Variants in CABLES2 observed in about 807,000 individuals in gnomAD.
The protein encoded by CABLES2 is Cdk5 and Abl enzyme substrate 2.
In CABLES2, 35 loss-of-function variants were observed where a neutral mutation model predicts 44.8. That is an observed-to-expected ratio of 0.78 (90% confidence interval 0.60 to 1.04). The LOEUF is 1.04. Among genes scored for constraint, CABLES2 ranks in the 50% least tolerant of loss-of-function variants. The probability of loss-of-function intolerance (pLI) is 0.00; values close to 1 mark genes in which losing one functional copy is unlikely to be tolerated. For missense variants in CABLES2, 566 were observed against 615.7 expected, an observed-to-expected ratio of 0.92 and a Z score of 0.85; for synonymous variants, 282 against 281.1, an observed-to-expected ratio of 1.00 and a Z score of -0.03.
chr20:62,398,222 G>GTGA (rs1569017924), intron 1 of CABLES2, among the ~76,000 whole-genome samples: 1 of 144,336 alleles, frequency 6.9e-6, no homozygotes, highest in African/African-American at 2.6e-5. Context: ...TGTGATGGTG[G>GTGA]TGGTGGTGAC....
Position 62,391,530 on chromosome 20 carries a change from C to A in CABLES2, c.1092-77G>T. 1 of 1,474,238 alleles carries A rather than the reference C, an allele frequency of 6.8e-7. No homozygotes were observed. Among genetic ancestry groups the A allele is most frequent in the Non-Finnish European group, 9.4e-7 (1 of 1,059,202 alleles). 91.3% of individuals were successfully genotyped at this position (1,474,238 alleles called of 1,614,324 possible). A position where few individuals can be genotyped will look rare whatever the true frequency, so the allele number is the denominator to read the frequency against. On this transcript the variant is annotated intron_variant, in intron 8 of 9. Coordinates refer to ENST00000279101, the MANE Select transcript of CABLES2 (RefSeq NM_031215.3). The surrounding 1 kb of genome is among the most constrained non-coding windows in gnomAD (Gnocchi z 5.7). ...GAGGCAGCCCCCTGCCACCACCAAC[C>A]GAGGCTGGAGCGATGTAGCTTTGGG...
intron 6 of CABLES2, among the ~76,000 whole-genome samples, chr20:62,393,229 A>G (rs1601472043): frequency 6.6e-6 from 1 of 152,242 alleles, no homozygotes. Context: ...CTGTGGGTGG[A>G]TGCAGCTCCT....
chr20:62,390,697 A>G lies in CABLES2; in HGVS notation c.*274T>C, dbSNP rs1601470495. Reference sequence around the variant, plus strand: ...AGGCTGGTCTCAGGCACGTGAAAAAAATACCAGTAACAAACCTCACATTTA... The same window carrying G: ...AGGCTGGTCTCAGGCACGTGAAAAAGATACCAGTAACAAACCTCACATTTA... On this transcript the variant is annotated 3_prime_UTR_variant, in exon 10 of 10. Transcript: ENST00000279101. The G allele has an allele frequency of 2.1e-6, 1 of 470,462 alleles. No homozygotes were observed. The highest frequency in any genetic ancestry group is 1.9e-5 in the African/African-American group (1 of 51,658). 29.1% of individuals were successfully genotyped at this position (470,462 alleles called of 1,614,324 possible).
intron 1 of CABLES2, among the ~76,000 whole-genome samples, chr20:62,397,997 G>GGAT (rs1316426428): frequency 1.7e-5 from 2 of 117,862 alleles, no homozygotes; most frequent in Non-Finnish European, 3.6e-5. Flanking sequence ...TGGTGGTGAT[G>GGAT]ATGGTGATGG....
Position 62,391,234 on chromosome 20 carries a change from G to C in CABLES2, c.1296+15C>G, listed in dbSNP as rs754052426. ...CATGACCCTGCCTGCAGTGCCTGCC[G>C]AGCCGGGCACTCACATCGATGAGCT... On this transcript the variant is annotated intron_variant, in intron 9 of 9. Transcript: ENST00000279101. The surrounding 1 kb of genome is among the most constrained non-coding windows in gnomAD (Gnocchi z 5.7). 1.9e-6 allele frequency: 3 copies of C among 1,603,792 alleles called. No individual in the cohort carries two copies. The African/African-American group carries it at 4.0e-5, about 21-fold the overall frequency.
In CABLES2 at chr20:62,393,596, A is replaced by G. The variant is rs1987960893; in HGVS notation, c.724T>C (p.Tyr242His). Reference protein sequence around the residue: ...ELGADGKVVSYAKFLYPTNAL... With the variant: ...ELGADGKVVSHAKFLYPTNAL... ...TTGGTGGGATACAGGAACTTCGCAT[A>G]AGACACGACCTGGAAAAGCAAATGC... The change falls in exon 6 of 10, where the codon TAT becomes CAT. Residue 242 changes from tyrosine to histidine, a missense_variant. Coordinates refer to ENST00000279101, the MANE Select transcript of CABLES2 (RefSeq NM_031215.3). 1.9e-6 allele frequency: 3 copies of G among 1,588,892 alleles called. No homozygotes were observed. Among genetic ancestry groups the G allele is most frequent in the Non-Finnish European group, 1.7e-6 (2 of 1,165,396 alleles).
rs1987943634 is a variant in CABLES2 at position 62,392,812 on chromosome 20, G to A, written c.984+108C>T. The A allele has an allele frequency of 7.2e-6, 7 of 973,618 alleles. No homozygotes were observed. The East Asian group carries it at 9.7e-5, about 13-fold the overall frequency. 60.3% of individuals were successfully genotyped at this position (973,618 alleles called of 1,614,324 possible). A position where few individuals can be genotyped will look rare whatever the true frequency, so the allele number is the denominator to read the frequency against. On this transcript the variant is annotated intron_variant, in intron 7 of 9. Transcript: ENST00000279101. Reference sequence around the variant, plus strand: ...TCTGTGCTGCTGCGATCCGGGATGGGGGCACGTCACGCCCCTGGGGCAGCT... The same window carrying A: ...TCTGTGCTGCTGCGATCCGGGATGGAGGCACGTCACGCCCCTGGGGCAGCT...
intron 3 of CABLES2, 128 bp from the exon 4 acceptor site, chr20:62,395,142 A>C: frequency 3.9e-6 from 3 of 764,356 alleles, no homozygotes; most frequent in Non-Finnish European, 4.4e-6. Context: ...GAAACTGCCC[A>C]TGCTGTCCAA....
At chr20:62,394,810 G>A (rs1273165378) in intron 4 of CABLES2, 127 bp downstream of exon 4, 21 of 784,760 alleles carry the variant, frequency 2.7e-5, no homozygotes, top group Non-Finnish European at 3.8e-5. Flanking sequence ...GCTGAGCCTC[G>A]CATGAGCCCG....
In CABLES2 at chr20:62,390,173, T is replaced by C. The variant is rs2146416295; in HGVS notation, c.*798A>G. 6.6e-6 allele frequency: 1 copy of C among 152,554 alleles called. No individual in the cohort carries two copies. Among genetic ancestry groups the C allele is most frequent in the African/African-American group, 2.4e-5 (1 of 41,530 alleles). The allele number at this position is 152,554 out of a possible 1,614,324, so 9.5% of individuals were successfully genotyped here. A position where few individuals can be genotyped will look rare whatever the true frequency, so the allele number is the denominator to read the frequency against. On this transcript the variant is annotated 3_prime_UTR_variant, in exon 10 of 10. Coordinates refer to ENST00000279101, the MANE Select transcript of CABLES2 (RefSeq NM_031215.3). The stretch of plus-strand genomic sequence containing the variant: ...GCAATTGTCCTGGAGGCCCAGAGTG[T>C]CTCCTGGTGAGAGGCAGAGGGTAGA...
intron 1 of CABLES2, among the ~76,000 whole-genome samples, chr20:62,400,319 G>A (rs1988164861): frequency 6.6e-6 from 1 of 152,232 alleles, no homozygotes; most frequent in South Asian, 2.1e-4. Context: ...CAGGCTCTGA[G>A]GGCAGTGGGA....
chr20:62,389,777 T>C lies in CABLES2; in HGVS notation c.*1194A>G, dbSNP rs1987876903. The C allele has an allele frequency of 6.6e-6, 1 of 152,250 alleles. No homozygotes were observed. The highest frequency in any genetic ancestry group is 6.5e-5 in the Admixed American group (1 of 15,280). 9.4% of individuals were successfully genotyped at this position (152,250 alleles called of 1,614,324 possible). ...AGCTGGAGCGCTGGACCATGCAGAA[T>C]TTGTTGCAAGAACTTCAGACAGACG... is the stretch of plus-strand genomic sequence containing the variant. On this transcript the variant is annotated 3_prime_UTR_variant, in exon 10 of 10. Coordinates refer to ENST00000279101, the MANE Select transcript of CABLES2 (RefSeq NM_031215.3).
At chr20:62,404,362 G>C (rs1465418575) in intron 1 of CABLES2, 1 of 152,352 alleles carries the variant, frequency 6.6e-6, no homozygotes, top group Non-Finnish European at 1.5e-5. Flanking sequence ...CAGAGGTACT[G>C]AACAGTGCAG....
At chr20:62,400,036 G>A (rs1451798027) in intron 1 of CABLES2, among the ~76,000 whole-genome samples, 3 of 152,240 alleles carry the variant, frequency 2.0e-5, no homozygotes. Context: ...GTCAACAAGA[G>A]CTTGTTGAAA....
intron 1 of CABLES2, chr20:62,403,858 T>TAGGACCGAGA (rs1258042341): frequency 1.3e-5 from 2 of 152,218 alleles, no homozygotes; most frequent in Non-Finnish European, 2.9e-5. Context: ...GAATAAGTAT[T>TAGGACCGAGA]AGGACCGAGA....
intron 4 of CABLES2, among the ~76,000 whole-genome samples, chr20:62,394,713 G>A (rs1031410604): frequency 2.6e-5 from 4 of 152,218 alleles, no homozygotes; most frequent in Non-Finnish European, 4.4e-5. Context: ...CCTGTACATC[G>A]ACAGCGTGAA....
At position 62,388,697 on chromosome 20, in the gene CABLES2, A is replaced by G; in HGVS notation, c.*2274T>C. The stretch of plus-strand genomic sequence containing the variant: ...TTTAAAAACAGATATCTAAGACAAA[A>G]TAACTCAAACATTCTGAGGTCTGAT... On this transcript the variant is annotated 3_prime_UTR_variant, in exon 10 of 10. Transcript: ENST00000279101. 1.7e-6 allele frequency: 1 copy of G among 585,818 alleles called. No homozygotes were observed. The allele number at this position is 585,818 out of a possible 1,614,324, so 36.3% of individuals were successfully genotyped here.
chr20:62,394,676 T>A lies in CABLES2; in HGVS notation c.605+261A>T, dbSNP rs185418457. 2.8e-4 allele frequency among the ~76,000 whole-genome samples: 42 copies of A among 152,290 alleles called. No individual in the cohort carries two copies. The East Asian group carries it at 7.1e-3, about 26-fold the overall frequency. On this transcript the variant is annotated intron_variant, in intron 4 of 9. Coordinates refer to ENST00000279101, the MANE Select transcript of CABLES2 (RefSeq NM_031215.3). ...ATGGTCACAGCACCAAGTGGCTCTG[T>A]CCACAGGAGGTGGGACAGCCCAGCC... is the stretch of plus-strand genomic sequence containing the variant.
intron 1 of CABLES2, among the ~76,000 whole-genome samples, chr20:62,398,851 A>G (rs1453185742): frequency 6.6e-6 from 1 of 152,246 alleles, no homozygotes; most frequent in Non-Finnish European, 1.5e-5. Context: ...CCATTTATCA[A>G]GTGGTACGGA....
Sources: allele counts gnomAD v4.1 joint callset (sites outside exome capture counted in the v4.1 genomes callset), GRCh38; gene constraint gnomAD v4.1.1; non-coding constraint Gnocchi (gnomAD v3.1); transcripts MANE v1.5; gene names NCBI Gene and HGNC (gene_info 2026-07-23, HGNC 2026-07-21).